The following L2HGDH variants were observed in gnomAD, a reference collection of about 807,000 sequenced individuals.
L2HGDH encodes L-2-hydroxyglutarate dehydrogenase, also known as L-2-hydroxyglutarate dehydrogenase, mitochondrial.
L2HGDH carries 34 observed loss-of-function variants against 51.5 expected under a neutral mutation model. The observed-to-expected ratio is 0.66, with a 90% CI of 0.50 to 0.88. L2HGDH has a LOEUF of 0.88. Among genes scored for constraint, L2HGDH ranks in the 40% least tolerant of loss-of-function variants. L2HGDH has a pLI of 0.00. For missense variants in L2HGDH, 558 were observed against 571.9 expected (o/e 0.98, Z 0.25); for synonymous variants, 198 against 197.9 (o/e 1.00, Z -0.01).
At chr14:50,307,689 T>C (rs1335361637) in intron 1 of L2HGDH, among the ~76,000 whole-genome samples, 3 of 152,238 alleles carry the variant, frequency 2.0e-5, no homozygotes, top group Admixed American at 6.5e-5. Flanking sequence ...GCTTCTTCTA[T>C]ACTCTATTTC....
chr14:50,268,029 C>T, intron 7 of L2HGDH, 119 bp from the exon 8 acceptor site: 1 of 981,896 alleles, frequency 1.0e-6, no homozygotes, highest in Non-Finnish European at 1.6e-6. Flanking sequence ...GTATTGTGAG[C>T]TGTACTCAGA....
At chr14:50,252,058 C>T (rs1888388463) in intron 9 of L2HGDH, among the ~76,000 whole-genome samples, 1 of 149,962 alleles carries the variant, frequency 6.7e-6, no homozygotes, top group African/African-American at 2.5e-5. Flanking sequence ...GTAACTACAA[C>T]AACTTTTCAA....
At position 50,246,438 on chromosome 14, in the gene L2HGDH, A is replaced by ATTTTTT. The variant is rs35924556; in HGVS notation, c.*614_*619dup. On this transcript the variant is annotated 3_prime_UTR_variant, in exon 10 of 10. Coordinates refer to ENST00000267436, the MANE Select transcript of L2HGDH (RefSeq NM_024884.3). ...TCATTCACTATGTTGCCCAGGCTGG[A>ATTTTTT]TTTTTTTTTTTTTTTTTTTTTTTTT... 1.6e-5 allele frequency: 1 copy of ATTTTTT among 62,868 alleles called. No homozygotes were observed. Among genetic ancestry groups the ATTTTTT allele is most frequent in the African/African-American group, 7.8e-5 (1 of 12,792 alleles). 3.9% of individuals were successfully genotyped at this position (62,868 alleles called of 1,614,324 possible). A position where few individuals can be genotyped will look rare whatever the true frequency, so the allele number is the denominator to read the frequency against.
chr14:50,281,138 G>C (rs894142533), intron 5 of L2HGDH, among the ~76,000 whole-genome samples: 1 of 151,406 alleles, frequency 6.6e-6, no homozygotes, highest in Non-Finnish European at 1.5e-5. Context: ...CTAAGGGAGA[G>C]AAAAAGGAAA....
chr14:50,256,613 T>A (rs1888681469), intron 9 of L2HGDH, among the ~76,000 whole-genome samples: 1 of 152,126 alleles, frequency 6.6e-6, no homozygotes, highest in Non-Finnish European at 1.5e-5. Context: ...ACATTTACAT[T>A]TACTGTAATT....
chr14:50,270,707 C>T (rs956539392), intron 6 of L2HGDH, among the ~76,000 whole-genome samples: 5 of 151,944 alleles, frequency 3.3e-5, no homozygotes, highest in Non-Finnish European at 5.9e-5. Flanking sequence ...GGGGTTTCAC[C>T]GTGTTAGCCA....
At chr14:50,294,305 A>G (rs1434254615) in intron 3 of L2HGDH, 59 bp from the exon 4 acceptor site, 5 of 1,557,362 alleles carry the variant, frequency 3.2e-6, no homozygotes, top group Non-Finnish European at 4.4e-6. Context: ...CAGCGATGAA[A>G]GATAAAGTCA....
At chr14:50,277,655 C>T (rs1244265461) in intron 6 of L2HGDH, among the ~76,000 whole-genome samples, 4 of 151,710 alleles carry the variant, frequency 2.6e-5, no homozygotes, top group Non-Finnish European at 5.9e-5. Context: ...GGGCGCCTGT[C>T]CCAGCTACTC....
chr14:50,245,442 C>T lies in L2HGDH; in HGVS notation c.*1616G>A. On this transcript the variant is annotated 3_prime_UTR_variant, in exon 10 of 10. Coordinates refer to ENST00000267436, the MANE Select transcript of L2HGDH (RefSeq NM_024884.3). ...TAGATTTCATGATGATACCATACCA[C>T]ATCAGTTACAAAGAGACTGGAAATA... The T allele has an allele frequency of 1.1e-5, 11 of 984,760 alleles. No individual in the cohort carries two copies. The highest frequency in any genetic ancestry group is 1.3e-5 in the Non-Finnish European group (11 of 829,374). The allele number at this position is 984,760 out of a possible 1,614,324, so 61.0% of individuals were successfully genotyped here. A position where few individuals can be genotyped will look rare whatever the true frequency, so the allele number is the denominator to read the frequency against.
intron 6 of L2HGDH, among the ~76,000 whole-genome samples, chr14:50,271,058 T>G (rs1375275415): frequency 6.6e-6 from 1 of 152,094 alleles, no homozygotes; most frequent in African/African-American, 2.4e-5. Flanking sequence ...GATGGCGCAG[T>G]CCTGGCTCAC....
chr14:50,267,672 A>T (rs1889422256), intron 8 of L2HGDH, 81 bp downstream of exon 8: 1 of 1,054,628 alleles, frequency 9.5e-7, no homozygotes, highest in Admixed American at 1.9e-5. Flanking sequence ...TTACCCAATA[A>T]GTAGAGTATC....
chr14:50,248,126 A>G (rs1483144202), intron 9 of L2HGDH, among the ~76,000 whole-genome samples: 3 of 152,270 alleles, frequency 2.0e-5, no homozygotes, highest in African/African-American at 7.2e-5. Context: ...TTAAAATTCT[A>G]TTTTATAACA....
intron 4 of L2HGDH, chr14:50,287,042 G>T: frequency 3.4e-6 from 1 of 292,630 alleles, no homozygotes; most frequent in Non-Finnish European, 5.1e-6. Context: ...TTCTGAGTCA[G>T]ATCTTGAGGT....
intron 5 of L2HGDH, among the ~76,000 whole-genome samples, chr14:50,283,589 TAA>T (rs892205754): frequency 8.2e-4 from 125 of 152,324 alleles, no homozygotes; most frequent in African/African-American, 3.0e-3. Context: ...CAAGGATACT[TAA>T]GTCCCTCATA....
chr14:50,265,427 C>T lies in L2HGDH; in HGVS notation c.1127G>A (p.Cys376Tyr), dbSNP rs1431754928. 3.7e-6 allele frequency: 6 copies of T among 1,612,586 alleles called. No individual in the cohort carries two copies. In the African/African-American group the frequency reaches 6.7e-5, roughly 18 times the overall value. ...SYGVTEMYKA[C>Y]FLGATVKYLQ... ...ATACTTCACTGTTGCACCAAGAAAA[C>T]ATGCTTTATACATTTCAGTAACTCC... Residue 376 changes from cysteine to tyrosine, a missense_variant, in exon 9 of 10, where the codon TGT becomes TAT. Coordinates refer to ENST00000267436, the MANE Select transcript of L2HGDH (RefSeq NM_024884.3).
At chr14:50,264,286 G>A (rs562012443) in intron 9 of L2HGDH, among the ~76,000 whole-genome samples, 61 of 152,122 alleles carry the variant, frequency 4.0e-4, no homozygotes, top group African/African-American at 1.4e-3. Context: ...GCTGAGGCAG[G>A]GGAATTGCTT....
At chr14:50,290,755 C>A (rs1890829756) in intron 4 of L2HGDH, among the ~76,000 whole-genome samples, 1 of 152,040 alleles carries the variant, frequency 6.6e-6, no homozygotes, top group African/African-American at 2.4e-5. Flanking sequence ...CCTCCGCCTC[C>A]CGGGTTCAAG....
At chr14:50,300,895 G>A (rs2030369621) in intron 3 of L2HGDH, among the ~76,000 whole-genome samples, 1 of 151,974 alleles carries the variant, frequency 6.6e-6, no homozygotes, top group Non-Finnish European at 1.5e-5. Flanking sequence ...CATAATCATG[G>A]ATCACTGCAG....
chr14:50,265,477 T>A lies in L2HGDH; in HGVS notation c.1077A>T (p.Lys359Asn), dbSNP rs1405972578. The stretch of plus-strand genomic sequence containing the variant: ...CATAGGAAAAATTCTGGGATGCCAG[T>A]TTAATCAAGCCACTGAAAACAGAGA... ...MDIIINSGLI[K>N]LASQNFSYGV... Residue 359 changes from lysine to asparagine, a missense_variant, in exon 9 of 10, where the codon AAA becomes AAT. Transcript: ENST00000267436. The A allele has an allele frequency of 6.2e-7, 1 of 1,613,054 alleles. No homozygotes were observed. The highest frequency in any genetic ancestry group is 8.5e-7 in the Non-Finnish European group (1 of 1,179,428).
Sources: gnomAD v4.1 joint callset for allele counts (sites outside exome capture counted in the v4.1 genomes callset) on GRCh38, gnomAD v4.1.1 for gene constraint, MANE v1.5 for transcripts, NCBI Gene and HGNC (gene_info 2026-07-23, HGNC 2026-07-21) for gene names.